COL14A1: variants seen among roughly 807,000 people sequenced by gnomAD.
The protein encoded by COL14A1 is collagen type XIV alpha 1 chain.
COL14A1 carries 136 observed loss-of-function variants against 230.3 expected under a neutral mutation model. The observed-to-expected ratio is 0.59, with a 90% confidence interval of 0.51 to 0.68. The LOEUF is 0.68. COL14A1 is among the 30% of genes least tolerant of loss of function. The pLI is 0.00. For missense variants in COL14A1, 1,976 were observed against 2,215.8 expected (o/e 0.89, Z 2.17); for synonymous variants, 792 against 784.1 (o/e 1.01, Z -0.17).
intron 47 of COL14A1, among the ~76,000 whole-genome samples, chr8:120,369,809 T>C (rs1350360560): frequency 6.6e-6 from 1 of 152,208 alleles, no homozygotes; most frequent in Admixed American, 6.5e-5. Context: ...AACATTCTTT[T>C]GGAGTCTCCA....
At chr8:120,328,718 T>C (rs1204227645) in intron 40 of COL14A1, among the ~76,000 whole-genome samples, 1 of 152,238 alleles carries the variant, frequency 6.6e-6, no homozygotes, top group Non-Finnish European at 1.5e-5. Flanking sequence ...CAGACTTGTT[T>C]TTTAAACTCC....
In COL14A1 at chr8:120,211,496, A is replaced by T. The variant is rs549152242; in HGVS notation, c.1468-952A>T. 2.6e-5 allele frequency among the ~76,000 whole-genome samples: 4 copies of T among 152,348 alleles called. 1 individual carries two copies. The highest frequency in any genetic ancestry group is 2.6e-4 in the Admixed American group (4 of 15,300). On this transcript the variant is annotated intron_variant, in intron 12 of 47. Transcript: ENST00000297848. ...ACATACAGAAGTACAAAAATGCAGC[A>T]GTAAGATATACATCAACCTTAGGGT...
At chr8:120,354,734 C>T (rs1359150123) in intron 45 of COL14A1, among the ~76,000 whole-genome samples, 1 of 152,140 alleles carries the variant, frequency 6.6e-6, no homozygotes, top group African/African-American at 2.4e-5. Flanking sequence ...TCTAAGGGAT[C>T]CAGTGGCTAA....
Position 120,196,945 on chromosome 8 carries a change from T to C in COL14A1, c.591T>C (p.Ile197=). 1 of 1,613,572 alleles carries C rather than the reference T, an allele frequency of 6.2e-7. No individual in the cohort carries two copies. Among genetic ancestry groups the C allele is most frequent in the South Asian group, 1.1e-5 (1 of 90,870 alleles). Residue 197 remains isoleucine, a splice_region_variant and synonymous_variant, in exon 6 of 48, where the codon ATT becomes ATC. Coordinates refer to ENST00000297848, the MANE Select transcript of COL14A1 (RefSeq NM_021110.4). ...ATGTGGGCTCAGAGAAGACACGAAT[T>C]GGTATAATTTCTATTATTAGCAGTA... The part of the protein sequence containing the change: ...AFDVGSEKTR[I]GLAQYSGDPR...
At chr8:120,300,065 T>C (rs1426473929) in intron 35 of COL14A1, among the ~76,000 whole-genome samples, 1 of 152,134 alleles carries the variant, frequency 6.6e-6, no homozygotes, top group Non-Finnish European at 1.5e-5. Context: ...TCCTCTGCAT[T>C]CCAGTAACTC....
intron 12 of COL14A1, 114 bp downstream of exon 12, chr8:120,210,015 GA>G (rs997839331): frequency 5.0e-5 from 42 of 837,032 alleles, no homozygotes; most frequent in East Asian, 5.0e-4. Context: ...TTAGCCAAAA[GA>G]AAAAAAAACA....
At chr8:120,363,785 C>G (rs541973507) in intron 45 of COL14A1, among the ~76,000 whole-genome samples, 5 of 152,158 alleles carry the variant, frequency 3.3e-5, no homozygotes, top group Non-Finnish European at 4.4e-5. Context: ...CAGTGGAATG[C>G]GCAGTACCAA....
chr8:120,328,334 A>C (rs1267868101), intron 40 of COL14A1, among the ~76,000 whole-genome samples: 1 of 152,010 alleles, frequency 6.6e-6, no homozygotes, highest in Non-Finnish European at 1.5e-5. Context: ...TCCGGGCTCA[A>C]GCAATCCTCC....
At chr8:120,127,951 A>G (rs1344557873) in intron 1 of COL14A1, among the ~76,000 whole-genome samples, 6 of 152,186 alleles carry the variant, frequency 3.9e-5, no homozygotes, top group Non-Finnish European at 7.3e-5. Flanking sequence ...TTGAGAACAA[A>G]GTTGTTGGTA....
In COL14A1 at chr8:120,196,820, A is replaced by G. The variant is rs958214735; in HGVS notation, c.466A>G (p.Ile156Val). The G allele has an allele frequency of 1.2e-6, 2 of 1,613,822 alleles. No individual in the cohort carries two copies. The highest frequency in any genetic ancestry group is 1.3e-5 in the African/African-American group (1 of 74,920). Residue 156 changes from isoleucine to valine, a missense_variant, in exon 6 of 48, where the codon ATT becomes GTT. Ile to Val is a conservative substitution (Grantham distance 29). This residue lies in a region of COL14A1 where 181 missense variants were observed against 178.6 expected (regional missense o/e 1.01). Coordinates refer to ENST00000297848, the MANE Select transcript of COL14A1 (RefSeq NM_021110.4). ...EVKFVCQTPA[I>V]ADIVILVDGS... ...GAAATTTGTCTGTCAAACTCCAGCAATTGCTGACATTGTAATCCTGGTCGA... is the reference window on the plus strand; with the variant it reads ...GAAATTTGTCTGTCAAACTCCAGCAGTTGCTGACATTGTAATCCTGGTCGA...
intron 46 of COL14A1, among the ~76,000 whole-genome samples, chr8:120,367,880 G>T (rs1019466812): frequency 9.9e-5 from 15 of 151,536 alleles, no homozygotes; most frequent in Non-Finnish European, 2.1e-4. Context: ...GGAGGTTGAG[G>T]CTACAGTGAA....
intron 15 of COL14A1, among the ~76,000 whole-genome samples, chr8:120,226,143 T>G (rs1324282033): frequency 6.6e-6 from 1 of 152,102 alleles, no homozygotes; most frequent in African/African-American, 2.4e-5. Context: ...TAAATTCTAT[T>G]TCATTTCTGA....
At position 120,278,584 on chromosome 8, in the gene COL14A1, A is replaced by C; in HGVS notation, c.3481+6A>C. The C allele has an allele frequency of 1.2e-6, 2 of 1,611,042 alleles. No individual in the cohort carries two copies. Among genetic ancestry groups the C allele is most frequent in the South Asian group, 2.2e-5 (2 of 90,652 alleles). On this transcript the variant is annotated splice_donor_region_variant and intron_variant, in intron 28 of 47. Transcript: ENST00000297848. ...CAGGGAGATGCAATTAGATGGTAAGATATATAAACAATAGTGGCTACCAAA... is the reference window on the plus strand; with the variant it reads ...CAGGGAGATGCAATTAGATGGTAAGCTATATAAACAATAGTGGCTACCAAA...
intron 2 of COL14A1, among the ~76,000 whole-genome samples, chr8:120,152,484 A>T (rs1815322153): frequency 6.6e-6 from 1 of 151,400 alleles, no homozygotes; most frequent in Non-Finnish European, 1.5e-5. Flanking sequence ...AAAAAAAAAA[A>T]AAAAAAAAAA....
At chr8:120,324,229 T>G (rs114742445) in intron 40 of COL14A1, among the ~76,000 whole-genome samples, 3,596 of 152,020 alleles carry the variant, frequency 0.024, 66 homozygotes, top group Middle Eastern at 0.041. Flanking sequence ...AAAAAAAAAG[T>G]TTAAAAATAA....
At chr8:120,136,188 T>G (rs928761005) in intron 1 of COL14A1, among the ~76,000 whole-genome samples, 2 of 152,156 alleles carry the variant, frequency 1.3e-5, no homozygotes, top group Non-Finnish European at 2.9e-5. Context: ...TTCTTGATCT[T>G]AGGAGAAAAG....
At chr8:120,186,240 G>T (rs148391665) in intron 5 of COL14A1, among the ~76,000 whole-genome samples, 1 of 152,214 alleles carries the variant, frequency 6.6e-6, no homozygotes, top group Non-Finnish European at 1.5e-5. Context: ...ATCTTCAGTA[G>T]TGTGGCTGGA....
chr8:120,142,533 C>T (rs1814947840), intron 1 of COL14A1, among the ~76,000 whole-genome samples: 2 of 152,150 alleles, frequency 1.3e-5, no homozygotes, highest in African/African-American at 4.8e-5. Flanking sequence ...AGATGGTAGT[C>T]ACTTAATATG....
At position 120,247,739 on chromosome 8, in the gene COL14A1, A is replaced by C. The variant is rs186219312; in HGVS notation, c.2602+4A>C. On this transcript the variant is annotated splice_donor_region_variant and intron_variant, in intron 21 of 47. Coordinates refer to ENST00000297848, the MANE Select transcript of COL14A1 (RefSeq NM_021110.4). The stretch of plus-strand genomic sequence containing the variant: ...ATTGTCTACAAACCTGTCAGTGGTA[A>C]GTAATGCTTTGTAAATAATGTTGAT... The C allele has an allele frequency of 6.8e-6, 11 of 1,612,478 alleles. No individual in the cohort carries two copies. The East Asian group carries it at 2.2e-4, about 33-fold the overall frequency.
Sources: gnomAD v4.1 joint callset for allele counts (sites outside exome capture counted in the v4.1 genomes callset) on GRCh38, gnomAD v4.1.1 for gene constraint, gnomAD v4.1.1 regional missense constraint, MANE v1.5 for transcripts, NCBI Gene and HGNC (gene_info 2026-07-23, HGNC 2026-07-21) for gene names.